Variants in TMPRSS11F observed in about 807,000 individuals in gnomAD.
TMPRSS11F encodes transmembrane protease serine 11F.
TMPRSS11F carries 47 observed loss-of-function variants against 60.2 expected under a neutral mutation model. The ratio of observed to expected loss-of-function variants is 0.78; its 90% CI spans 0.62 to 1.00. The LOEUF (loss-of-function observed/expected upper bound fraction) is 1.00, where lower values mean the gene tolerates loss of function less well. Ranked by LOEUF, TMPRSS11F falls within the 50% of genes least tolerant of loss-of-function variation. The probability of loss-of-function intolerance (pLI) is 0.00; values close to 1 mark genes in which losing one functional copy is unlikely to be tolerated. For synonymous variants in TMPRSS11F, 166 were observed against 167.3 expected (o/e 0.99, Z 0.06); for missense variants, 519 against 522.9 (o/e 0.99, Z 0.07).
intron 1 of TMPRSS11F, among the ~76,000 whole-genome samples, chr4:68,116,664 G>A (rs1724526448): frequency 6.6e-6 from 1 of 152,096 alleles, no homozygotes; most frequent in African/African-American, 2.4e-5. Flanking sequence ...CAATGCAACA[G>A]AAGAGAGAGC....
At chr4:68,059,305 T>C (rs543893154) in intron 9 of TMPRSS11F, 21 bp downstream of exon 9, 3 of 1,610,592 alleles carry the variant, frequency 1.9e-6, no homozygotes, top group East Asian at 2.2e-5. Flanking sequence ...CATAAACTTT[T>C]GGCCTTGACT....
chr4:68,129,735 C>T, intron 1 of TMPRSS11F, 75 bp downstream of exon 1: 1 of 1,374,356 alleles, frequency 7.3e-7, no homozygotes, highest in Admixed American at 1.7e-5. Flanking sequence ...CAGCCAACAT[C>T]TGTACTACCT....
intron 1 of TMPRSS11F, among the ~76,000 whole-genome samples, chr4:68,125,883 C>T (rs1252989118): frequency 6.6e-6 from 1 of 152,062 alleles, no homozygotes; most frequent in Non-Finnish European, 1.5e-5. Flanking sequence ...TAATGTTTTT[C>T]AAAATGCATT....
intron 5 of TMPRSS11F, 77 bp downstream of exon 5, chr4:68,072,224 AAAAAAAATATATATATATATAT>A (rs1435337516): frequency 2.5e-5 from 1 of 40,420 alleles, no homozygotes; most frequent in Non-Finnish European, 4.4e-5. Flanking sequence ...TATCTTCCAA[AAAAAAAATATATATATATATAT>A]ATATTGCTTA....
chr4:68,058,560 G>T (rs1723091552), intron 9 of TMPRSS11F, among the ~76,000 whole-genome samples: 1 of 152,176 alleles, frequency 6.6e-6, no homozygotes, highest in South Asian at 2.1e-4. Flanking sequence ...ATTAAAATAT[G>T]TCTTCCTTCA....
At chr4:68,067,137 T>C (rs1265459007) in intron 7 of TMPRSS11F, among the ~76,000 whole-genome samples, 2 of 152,196 alleles carry the variant, frequency 1.3e-5, no homozygotes, top group Non-Finnish European at 2.9e-5. Context: ...AAATATGCTA[T>C]AATGTGTCTC....
At chr4:68,090,874 T>C (rs2109864627) in intron 2 of TMPRSS11F, among the ~76,000 whole-genome samples, 1 of 152,318 alleles carries the variant, frequency 6.6e-6, no homozygotes, top group South Asian at 2.1e-4. Context: ...TAGATATTTA[T>C]GCATATCAAA....
intron 1 of TMPRSS11F, among the ~76,000 whole-genome samples, chr4:68,114,171 GA>G (rs1236785117): frequency 6.6e-6 from 1 of 151,618 alleles, no homozygotes. Flanking sequence ...AAGAAAACAA[GA>G]AAACAATAAT....
intron 1 of TMPRSS11F, among the ~76,000 whole-genome samples, chr4:68,119,026 T>G (rs1299728962): frequency 6.6e-6 from 1 of 151,998 alleles, no homozygotes; most frequent in Non-Finnish European, 1.5e-5. Context: ...GTTCTTTGAG[T>G]AAATTAAAAG....
rs568423802 is a variant in TMPRSS11F, at chr4:68,076,641, C to G, written c.283-2632G>C. Among the ~76,000 whole-genome samples the G allele has an allele frequency of 9.2e-5, 14 of 152,292 alleles. No homozygotes were observed. The East Asian group carries it at 1.4e-3, about 15-fold the overall frequency. On this transcript the variant is annotated intron_variant, in intron 3 of 9. Coordinates refer to ENST00000356291, the MANE Select transcript of TMPRSS11F (RefSeq NM_207407.2). ...GAGAAAAGGTTTTGAAAGACACGCT[C>G]AATCCAGACCAGAGTCCTATTATCC...
Position 68,068,704 on chromosome 4 carries a change from GC to G in TMPRSS11F, c.668del (p.Ser223ThrfsTer5). 6.2e-7 allele frequency: 1 copy of G among 1,614,138 alleles called. No homozygotes were observed. ...AMEGEWPWQA[S>X]LQLIGSGHQC... ...GATGGCCTGACCCTATGAGCTGGAG[GC>G]TGGCCTGCCATGGCCATTCCCCTTC... On this transcript the variant is annotated frameshift_variant, in exon 7 of 10. Coordinates refer to ENST00000356291, the MANE Select transcript of TMPRSS11F (RefSeq NM_207407.2). LOFTEE classifies it high-confidence loss of function.
At chr4:68,085,646 A>G (rs1304847437) in intron 3 of TMPRSS11F, among the ~76,000 whole-genome samples, 1 of 152,224 alleles carries the variant, frequency 6.6e-6, no homozygotes, top group Admixed American at 6.5e-5. Flanking sequence ...TAAAAACACA[A>G]GATTCTACAA....
intron 9 of TMPRSS11F, among the ~76,000 whole-genome samples, chr4:68,054,466 T>C (rs1177245853): frequency 6.6e-6 from 1 of 152,210 alleles, no homozygotes; most frequent in Non-Finnish European, 1.5e-5. Context: ...TATGGACCTA[T>C]TTTTGGTCTC....
intron 1 of TMPRSS11F, among the ~76,000 whole-genome samples, chr4:68,120,020 G>T (rs1021664683): frequency 5.3e-5 from 8 of 152,102 alleles, no homozygotes; most frequent in Non-Finnish European, 1.0e-4. Context: ...AATTTTGAGG[G>T]GTTCAAAACT....
intron 8 of TMPRSS11F, chr4:68,063,196 C>T: frequency 1.7e-6 from 1 of 596,220 alleles, no homozygotes; most frequent in South Asian, 1.4e-5. Flanking sequence ...AACCCAACTG[C>T]CTCTGGAGAT....
Position 68,095,839 on chromosome 4 carries a change from T to C in TMPRSS11F, c.163+3048A>G, listed in dbSNP as rs909834650. Among the ~76,000 whole-genome samples, 116 of 132,484 alleles carry C rather than the reference T, an allele frequency of 8.8e-4. 1 individual carries two copies. Among genetic ancestry groups the C allele is most frequent in the African/African-American group, 3.3e-3 (116 of 35,234 alleles). 86.9% of individuals were successfully genotyped at this position (132,484 alleles called of 152,430 possible). ...TGAACCCGGGAGGCAGAGGTTGCAG[T>C]GAGCCAAGACTGTGCCATTGCACTA... On this transcript the variant is annotated intron_variant, in intron 2 of 9. Transcript: ENST00000356291.
intron 1 of TMPRSS11F, among the ~76,000 whole-genome samples, chr4:68,101,353 T>C (rs6552150): frequency 1 from 151,950 of 152,258 alleles, 75,823 homozygotes; most frequent in Middle Eastern, 1. Flanking sequence ...ACCCTAATTG[T>C]GGAAAAAAGG....
At chr4:68,091,190 C>T (rs10004940) in intron 2 of TMPRSS11F, among the ~76,000 whole-genome samples, 58,673 of 151,916 alleles carry the variant, frequency 0.39, 12,974 homozygotes, top group Non-Finnish European at 0.52. Context: ...ATTGTAATGT[C>T]TTTCATGGTT....
At chr4:68,090,354 A>C (rs910033614) in intron 3 of TMPRSS11F, among the ~76,000 whole-genome samples, 169 bp downstream of exon 3, 1 of 152,156 alleles carries the variant, frequency 6.6e-6, no homozygotes, top group East Asian at 1.9e-4. Flanking sequence ...AGTATACTGA[A>C]TATTTTATAC....
Sources: gnomAD v4.1 joint callset for allele counts (sites outside exome capture counted in the v4.1 genomes callset) on GRCh38, gnomAD v4.1.1 for gene constraint, MANE v1.5 for transcripts, NCBI Gene and HGNC (gene_info 2026-07-23, HGNC 2026-07-21) for gene names.